Variants in PLIN5 observed in about 807,000 individuals in gnomAD.
The protein encoded by PLIN5 is perilipin 5.
Under a neutral mutation model 32.8 loss-of-function variants are expected in PLIN5, and 34 were observed. The ratio of observed to expected loss-of-function variants is 1.04; its 90% confidence interval spans 0.79 to 1.38. The LOEUF (loss-of-function observed/expected upper bound fraction) is 1.38, where lower values mean the gene tolerates loss of function less well. PLIN5 is among the 40% of genes most tolerant of loss of function. PLIN5 has a pLI of 0.00. For missense variants in PLIN5, 712 were observed against 660.5 expected, an observed-to-expected ratio of 1.08 and a Z score of -0.85; for synonymous variants, 309 against 292.9, an observed-to-expected ratio of 1.05 and a Z score of -0.56.
intron 5 of PLIN5, chr19:4,528,827 C>A (rs917361735): frequency 1.0e-5 from 4 of 400,182 alleles, no homozygotes; most frequent in Admixed American, 4.4e-5. Flanking sequence ...TGGGGGCCAC[C>A]AGTTTGGGAC....
chr19:4,535,008 G>A (rs1435606691), intron 1 of PLIN5, among the ~76,000 whole-genome samples, 157 bp downstream of exon 1: 1 of 152,212 alleles, frequency 6.6e-6, no homozygotes, highest in East Asian at 1.9e-4. Flanking sequence ...GCCCAACTGG[G>A]TCCTGAGCTG....
At chr19:4,526,346 T>C (rs1014834126) in intron 5 of PLIN5, among the ~76,000 whole-genome samples, 4 of 152,066 alleles carry the variant, frequency 2.6e-5, no homozygotes, top group Non-Finnish European at 5.9e-5. Flanking sequence ...CTCAGCCTCT[T>C]GAGTAGCTGG....
At chr19:4,527,195 C>T (rs1309294540) in intron 5 of PLIN5, among the ~76,000 whole-genome samples, 2 of 151,988 alleles carry the variant, frequency 1.3e-5, no homozygotes. Context: ...CCCACCTCAG[C>T]CTCCTGAGTA....
chr19:4,529,294 C>T (rs372493282), intron 4 of PLIN5, 41 bp from the exon 5 acceptor site: 9 of 1,542,548 alleles, frequency 5.8e-6, no homozygotes, highest in Non-Finnish European at 7.0e-6. Flanking sequence ...CCGTGGGACT[C>T]CAGCTCCATT....
chr19:4,523,959 G>C lies in PLIN5; in HGVS notation c.961C>G (p.Arg321Gly). Residue 321 changes from arginine (R) to glycine (G), a missense_variant, in exon 8 of 8, where the codon CGC becomes GGC. Coordinates refer to ENST00000381848, the MANE Select transcript of PLIN5 (RefSeq NM_001013706.3). The surrounding 1 kb of genome is among the most constrained non-coding windows in gnomAD (Gnocchi z 5.0). Reference sequence around the variant, plus strand: ...GCGGTCTGCAGGGCATCCACACTGCGCCGCACCTCAGCCACCTTCTCCTGG... The same window carrying C: ...GCGGTCTGCAGGGCATCCACACTGCCCCGCACCTCAGCCACCTTCTCCTGG... ...GAQEKVAEVR[R>G]SVDALQTAFA... 6.5e-7 allele frequency: 1 copy of C among 1,528,772 alleles called. No individual in the cohort carries two copies. Among genetic ancestry groups the C allele is most frequent in the Middle Eastern group, 1.7e-4 (1 of 5,786 alleles). The allele number at this position is 1,528,772 out of a possible 1,614,324, so 94.7% of individuals were successfully genotyped here. A position where few individuals can be genotyped will look rare whatever the true frequency, so the allele number is the denominator to read the frequency against.
chr19:4,526,532 T>G (rs1395467674), intron 5 of PLIN5, among the ~76,000 whole-genome samples: 2 of 152,142 alleles, frequency 1.3e-5, no homozygotes, highest in Non-Finnish European at 2.9e-5. Context: ...GCTTAACCAT[T>G]CTTTTAAGCA....
Position 4,523,453 on chromosome 19 carries a change from C to G in PLIN5, c.*75G>C. 1 of 1,466,344 alleles carries G rather than the reference C, an allele frequency of 6.8e-7. No individual in the cohort carries two copies. Among genetic ancestry groups the G allele is most frequent in the South Asian group, 1.4e-5 (1 of 71,192 alleles). 90.8% of individuals were successfully genotyped at this position (1,466,344 alleles called of 1,614,324 possible). ...GGTCAAGGCCAAGGCCTCGAGCTTA[C>G]GTGTGGCCACCAGGGGGCAGCAGGG... On this transcript the variant is annotated 3_prime_UTR_variant, in exon 8 of 8. Transcript: ENST00000381848. This position sits in a 1 kb window ranked among gnomAD's most constrained non-coding sequence, Gnocchi z 5.0.
At chr19:4,527,436 G>A (rs1976818501) in intron 5 of PLIN5, among the ~76,000 whole-genome samples, 1 of 149,216 alleles carries the variant, frequency 6.7e-6, no homozygotes, top group Non-Finnish European at 1.5e-5. Context: ...TTGTCTAGGA[G>A]GATGAGGCAG....
chr19:4,528,204 C>T (rs1001519993), intron 5 of PLIN5, among the ~76,000 whole-genome samples: 4 of 141,744 alleles, frequency 2.8e-5, no homozygotes, highest in South Asian at 4.3e-4. Flanking sequence ...CCACCGTGCC[C>T]GGCCGCCTCC....
intron 3 of PLIN5, among the ~76,000 whole-genome samples, chr19:4,530,350 G>A (rs10404463): frequency 0.052 from 7,955 of 152,260 alleles, 681 homozygotes; most frequent in African/African-American, 0.18. Context: ...CAAGGTCACA[G>A]AAGCTGGCTG....
intron 2 of PLIN5, chr19:4,533,041 T>TGG (rs1976905446): frequency 6.6e-6 from 1 of 151,606 alleles, no homozygotes; most frequent in African/African-American, 2.4e-5. Context: ...TTCAAGAGAT[T>TGG]CTCCTGCCTC....
chr19:4,531,742 C>G lies in PLIN5; in HGVS notation c.141G>C (p.Lys47Asn), dbSNP rs2071349735. Residue 47 changes from lysine (K) to asparagine (N), a missense_variant, in exon 3 of 8, where the codon AAG becomes AAC. Lys to Asn is a moderately conservative substitution (Grantham distance 94). Coordinates refer to ENST00000381848, the MANE Select transcript of PLIN5 (RefSeq NM_001013706.3). ...TAVCDVYSAAKDRHPLLGSAC... is the reference protein window; with the variant it reads ...TAVCDVYSAANDRHPLLGSAC... ...CGGAGCCCAGCAGCGGGTGCCTGTC[C>G]TTGGCTGCACTGTAAACATCGCAGA... 1 of 1,600,906 alleles carries G rather than the reference C, an allele frequency of 6.2e-7. No homozygotes were observed.
chr19:4,530,116 G>A (rs1225430102), intron 3 of PLIN5, among the ~76,000 whole-genome samples: 2 of 152,168 alleles, frequency 1.3e-5, no homozygotes, highest in Admixed American at 6.6e-5. Flanking sequence ...CACCTGTGGC[G>A]CCTGGAGAGA....
intron 5 of PLIN5, among the ~76,000 whole-genome samples, chr19:4,526,653 G>A (rs115654767): frequency 0.027 from 4,137 of 151,210 alleles, 218 homozygotes; most frequent in African/African-American, 0.095. Context: ...TTTGAGACTA[G>A]CTTAGGCAAT....
At position 4,529,553 on chromosome 19, in the gene PLIN5, C is replaced by CATATATACTTATACGTATATATAT. The variant is rs1599763564; in HGVS notation, c.339+230_339+231insATATATATACGTATAAGTATATAT. The stretch of plus-strand genomic sequence containing the variant: ...ACATATATACTTATACGTATATATA[C>CATATATACTTATACGTATATATAT]ATATATACTTATACGTATATATACA... On this transcript the variant is annotated intron_variant, in intron 4 of 7. Transcript: ENST00000381848. The CATATATACTTATACGTATATATAT allele has an allele frequency of 1.0e-5, 5 of 499,704 alleles. No homozygotes were observed. The East Asian group carries it at 1.6e-4, about 16-fold the overall frequency. 31.0% of individuals were successfully genotyped at this position (499,704 alleles called of 1,614,324 possible).
chr19:4,534,170 G>T lies in PLIN5; in HGVS notation c.-21-75C>A. ...TGTCAAATTGGGCTCTGTGACTTGA[G>T]CAACTCTCAAACCTCTTGGGGCCTC... On this transcript the variant is annotated intron_variant, in intron 1 of 7. Transcript: ENST00000381848. 1.5e-6 allele frequency: 2 copies of T among 1,317,350 alleles called. 1 individual carries two copies. The highest frequency in any genetic ancestry group is 2.5e-5 in the South Asian group (2 of 79,234). The allele number at this position is 1,317,350 out of a possible 1,614,324, so 81.6% of individuals were successfully genotyped here. A position where few individuals can be genotyped will look rare whatever the true frequency, so the allele number is the denominator to read the frequency against.
chr19:4,524,905 C>A, intron 7 of PLIN5, 58 bp downstream of exon 7: 1 of 1,442,726 alleles, frequency 6.9e-7, no homozygotes, highest in Non-Finnish European at 9.3e-7. Flanking sequence ...GTCGCTCCCC[C>A]TCTTCCTCCG....
chr19:4,535,038 T>G (rs1976929478), intron 1 of PLIN5, 127 bp downstream of exon 1: 1 of 152,350 alleles, frequency 6.6e-6, no homozygotes, highest in South Asian at 2.1e-4. Context: ...GGGCCAAGGG[T>G]CCCAGCCACC....
At chr19:4,529,528 A>G in intron 4 of PLIN5, 2 of 468,576 alleles carry the variant, frequency 4.3e-6, no homozygotes, top group Non-Finnish European at 3.6e-6. Context: ...ATACACATAT[A>G]CATATATACT....
Sources: allele counts gnomAD v4.1 joint callset (sites outside exome capture counted in the v4.1 genomes callset), GRCh38; gene constraint gnomAD v4.1.1; non-coding constraint Gnocchi (gnomAD v3.1); transcripts MANE v1.5; gene names NCBI Gene and HGNC (gene_info 2026-07-23, HGNC 2026-07-21).